MICAL3: variants seen among roughly 807,000 people sequenced by gnomAD.
The protein encoded by MICAL3 is [F-actin]-monooxygenase MICAL3.
A neutral mutation model predicts 207.4 loss-of-function variants in MICAL3; 62 were observed. The ratio of observed to expected loss-of-function variants is 0.30; its 90% CI spans 0.24 to 0.37. MICAL3 has a LOEUF of 0.37. Ranked by LOEUF, MICAL3 falls within the 10% of genes least tolerant of loss-of-function variation. The probability of loss-of-function intolerance (pLI) is 1.00; values close to 1 mark genes in which losing one functional copy is unlikely to be tolerated. For synonymous variants in MICAL3, 1,077 were observed against 1,069.3 expected, an observed-to-expected ratio of 1.01 and a Z score of -0.14; for missense variants, 2,368 against 2,635.6, an observed-to-expected ratio of 0.90 and a Z score of 2.22.
chr22:17,803,129 C>G (rs1182074146), intron 29 of MICAL3, among the ~76,000 whole-genome samples: 1 of 152,140 alleles, frequency 6.6e-6, no homozygotes, highest in African/African-American at 2.4e-5. Context: ...GCTGTGCCTT[C>G]CTAACAGGCT....
At chr22:17,815,577 C>G (rs1339137589) in intron 27 of MICAL3, 1 of 152,286 alleles carries the variant, frequency 6.6e-6, no homozygotes, top group Non-Finnish European at 1.5e-5. Context: ...TCTCCCTGTC[C>G]CTGAGAAGGC....
rs549732892 is a variant in MICAL3 at position 17,861,723 on chromosome 22, C to T, written c.2605+3176G>A. 1.1e-4 allele frequency: 113 copies of T among 985,348 alleles called. 2 individuals carry two copies. In the South Asian group the frequency reaches 4.7e-3, roughly 41 times the overall value. 61.0% of individuals were successfully genotyped at this position (985,348 alleles called of 1,614,324 possible). ...ACTAACACGCAGTAGTAAGTATAAGCTTGGAAACACAGCATTCATAGATTT... is the reference window on the plus strand; with the variant it reads ...ACTAACACGCAGTAGTAAGTATAAGTTTGGAAACACAGCATTCATAGATTT... On this transcript the variant is annotated intron_variant, in intron 19 of 31. Transcript: ENST00000441493.
Position 17,832,919 on chromosome 22 carries a change from C to T in MICAL3, c.2802-812G>A, listed in dbSNP as rs538356889. Reference sequence around the variant, plus strand: ...GAAATGACGGCAAAGGCACCGCTCACTGCAAAGCCACAGGACAGAGACGAT... The same window carrying T: ...GAAATGACGGCAAAGGCACCGCTCATTGCAAAGCCACAGGACAGAGACGAT... On this transcript the variant is annotated intron_variant, in intron 20 of 31. Transcript: ENST00000441493. Among the ~76,000 whole-genome samples the T allele has an allele frequency of 1.2e-4, 19 of 152,336 alleles. No homozygotes were observed. The South Asian group carries it at 3.9e-3, about 32-fold the overall frequency.
chr22:17,795,075 G>A (rs2061861180), intron 29 of MICAL3, among the ~76,000 whole-genome samples: 1 of 152,218 alleles, frequency 6.6e-6, no homozygotes, highest in Non-Finnish European at 1.5e-5. Flanking sequence ...CCCTTCCAGC[G>A]TGGCGTACCT....
At chr22:17,940,077 T>C (rs9605441) in intron 1 of MICAL3, among the ~76,000 whole-genome samples, 35,612 of 152,158 alleles carry the variant, frequency 0.23, 4,686 homozygotes, top group East Asian at 0.52. Context: ...CTGGACTTCA[T>C]CCCTCTGAAG....
At chr22:17,954,479 G>A (rs1934516351) in intron 1 of MICAL3, among the ~76,000 whole-genome samples, 1 of 152,168 alleles carries the variant, frequency 6.6e-6, no homozygotes, top group Non-Finnish European at 1.5e-5. Flanking sequence ...GGCATGGGGA[G>A]GGTAGGGAAT....
Position 17,790,927 on chromosome 22 carries a change from A to T in MICAL3, c.5825-11T>A, listed in dbSNP as rs751136260. 1 of 1,613,464 alleles carries T rather than the reference A, an allele frequency of 6.2e-7. No homozygotes were observed. Among genetic ancestry groups the T allele is most frequent in the Non-Finnish European group, 8.5e-7 (1 of 1,179,820 alleles). ...CAGTCTTAAGGTGATCTTGAAGGAG[A>T]AGAAGGCATGAGGTGAGGGGCCTGG... is the stretch of plus-strand genomic sequence containing the variant. On this transcript the variant is annotated splice_polypyrimidine_tract_variant and intron_variant, in intron 31 of 31. Transcript: ENST00000441493.
At chr22:17,821,368 T>C (rs1330637472) in intron 25 of MICAL3, 59 bp downstream of exon 25, 3 of 1,424,908 alleles carry the variant, frequency 2.1e-6, no homozygotes, top group African/African-American at 2.9e-5. Context: ...GAGAAGTTAA[T>C]ATGTGTCCTT....
rs183039736 is a variant in MICAL3, at chr22:17,995,156, C to G, written c.-75+29125G>C. ...AAGCCAACAGTCTCACTTCTTCTCT[C>G]TTCTTTAATCTGATTTCTGTCCTCC... On this transcript the variant is annotated intron_variant, in intron 1 of 31. Coordinates refer to ENST00000441493, the MANE Select transcript of MICAL3 (RefSeq NM_015241.3). Among the ~76,000 whole-genome samples the G allele has an allele frequency of 1.5e-3, 231 of 152,284 alleles. 1 individual carries two copies. The highest frequency in any genetic ancestry group is 5.2e-3 in the African/African-American group (215 of 41,572).
intron 6 of MICAL3, among the ~76,000 whole-genome samples, chr22:17,899,761 T>A (rs1257618096): frequency 6.6e-6 from 1 of 151,146 alleles, no homozygotes; most frequent in Non-Finnish European, 1.5e-5. Flanking sequence ...CCCCAAACAA[T>A]CCTAAAAACT....
rs76024152 is a variant in MICAL3, at chr22:17,846,071, A to T, written c.2606-4054T>A. On this transcript the variant is annotated intron_variant, in intron 19 of 31. Coordinates refer to ENST00000441493, the MANE Select transcript of MICAL3 (RefSeq NM_015241.3). ...AAAAAAGAAACCAGAAGCACTGGGA[A>T]CTGTTCAGATCCTTCACACGCCAGT... is the stretch of plus-strand genomic sequence containing the variant. 8.9e-3 allele frequency among the ~76,000 whole-genome samples: 1,353 copies of T among 152,376 alleles called. 16 individuals carry two copies. Among genetic ancestry groups the T allele is most frequent in the African/African-American group, 0.031 (1,273 of 41,586 alleles).
At chr22:17,871,793 C>T in intron 17 of MICAL3, 44 bp downstream of exon 17, 2 of 1,542,144 alleles carry the variant, frequency 1.3e-6, no homozygotes, top group East Asian at 2.4e-5. Flanking sequence ...AAACACTGTC[C>T]AAGCACAGTT....
rs1281218374 is a variant in MICAL3, at chr22:17,902,364, G to A, written c.589+267C>T. ...TGAGCTACCGCACTCCAGGCTAGGC[G>A]ACAGAGTGAGACTCTCATCTAACAA... On this transcript the variant is annotated intron_variant, in intron 4 of 31. Coordinates refer to ENST00000441493, the MANE Select transcript of MICAL3 (RefSeq NM_015241.3). This position sits in a 1 kb window ranked among gnomAD's most constrained non-coding sequence, Gnocchi z 4.5. Among the ~76,000 whole-genome samples the A allele has an allele frequency of 6.6e-6, 1 of 152,202 alleles. No homozygotes were observed. Among genetic ancestry groups the A allele is most frequent in the African/African-American group, 2.4e-5 (1 of 41,446 alleles).
rs759514473 is a variant in MICAL3 at position 17,818,738 on chromosome 22, A to G, written c.3923T>C (p.Leu1308Pro). ...CTCATCCACAGCAAGGGGGCTGCCCAGTCTGTCCTTGGTGTCACTTTGGCT... is the reference window on the plus strand; with the variant it reads ...CTCATCCACAGCAAGGGGGCTGCCCGGTCTGTCCTTGGTGTCACTTTGGCT... ...VQSQSDTKDR[L>P]GSPLAVDEAL... The change falls in exon 26 of 32, where the codon CTG becomes CCG. Residue 1308 changes from leucine (L) to proline (P), a missense_variant. Leu to Pro is a moderately conservative substitution (Grantham distance 98). This residue lies in a region of MICAL3 where 1,770 missense variants were observed against 1,863.2 expected (regional missense o/e 0.95). Transcript: ENST00000441493. The G allele has an allele frequency of 6.2e-7, 1 of 1,607,864 alleles. No homozygotes were observed. Among genetic ancestry groups the G allele is most frequent in the East Asian group, 2.2e-5 (1 of 44,714 alleles).
chr22:17,993,079 A>G (rs1921875723), intron 1 of MICAL3, among the ~76,000 whole-genome samples: 1 of 152,186 alleles, frequency 6.6e-6, no homozygotes, highest in South Asian at 2.1e-4. Context: ...GAGAAAGCCT[A>G]TCTGTTTTGG....
At chr22:17,997,048 G>GTTTT (rs1922363220) in intron 1 of MICAL3, among the ~76,000 whole-genome samples, 1 of 106,140 alleles carries the variant, frequency 9.4e-6, no homozygotes, top group Non-Finnish European at 1.9e-5. Context: ...TCCCCATCTA[G>GTTTT]TCTTTTTTTT....
chr22:17,801,821 G>T (rs1398309348), intron 29 of MICAL3, among the ~76,000 whole-genome samples: 1 of 152,062 alleles, frequency 6.6e-6, no homozygotes, highest in African/African-American at 2.4e-5. Flanking sequence ...TTGAACCCGG[G>T]AGGCGGAGCT....
chr22:17,863,950 T>C (rs896569223), intron 19 of MICAL3: 1 of 985,444 alleles, frequency 1.0e-6, no homozygotes, highest in South Asian at 4.7e-5. Context: ...AAGAGGAAAG[T>C]GTGACAGACA....
rs1921230251 is a variant in MICAL3 at position 17,818,563 on chromosome 22, A to C, written c.4098T>G (p.Tyr1366Ter). 1 of 1,613,446 alleles carries C rather than the reference A, an allele frequency of 6.2e-7. No homozygotes were observed. The highest frequency in any genetic ancestry group is 8.5e-7 in the Non-Finnish European group (1 of 1,179,852). ...PAFRPVSLKS[Y>*]SVEKSPQDEG... ...CATCCTGGGGGGACTTTTCAACGGA[A>C]TAGGATTTGAGGGACACTGGCCTGA... Residue 1366 changes from tyrosine to a stop codon, truncating the protein, a stop_gained, in exon 26 of 32, where the codon TAT becomes TAG. Transcript: ENST00000441493. LOFTEE classifies it high-confidence loss of function.
Sources: gnomAD v4.1 joint callset for allele counts (sites outside exome capture counted in the v4.1 genomes callset) on GRCh38, gnomAD v4.1.1 for gene constraint, gnomAD v4.1.1 regional missense constraint, Gnocchi (gnomAD v3.1) non-coding constraint, MANE v1.5 for transcripts, NCBI Gene and HGNC (gene_info 2026-07-23, HGNC 2026-07-21) for gene names.